FAR2: variants seen among roughly 807,000 people sequenced by gnomAD.
FAR2 encodes fatty acyl-CoA reductase 2.
Under a neutral mutation model 56.0 loss-of-function variants are expected in FAR2, and 19 were observed. The ratio of observed to expected loss-of-function variants is 0.34; its 90% CI spans 0.24 to 0.50. FAR2 has a LOEUF of 0.50. Ranked by LOEUF, FAR2 falls within the 20% of genes least tolerant of loss-of-function variation. The pLI, the probability that FAR2 is intolerant of heterozygous loss-of-function variation, is 0.98. For synonymous variants in FAR2, 219 were observed against 218.8 expected (o/e 1.00, Z -0.01); for missense variants, 508 against 642.2 (o/e 0.79, Z 2.26).
chr12:29,293,790 CTATTA>C lies in FAR2; in HGVS notation c.365+318_365+322del, dbSNP rs537916641. On this transcript the variant is annotated intron_variant, in intron 3 of 11. Coordinates refer to ENST00000536681, the MANE Select transcript of FAR2 (RefSeq NM_001271783.2). ...ATATCTATCATTGTCAATAAATATT[CTATTA>C]TAATTTGTAATGATTACATGACATT... 1.7e-4 allele frequency among the ~76,000 whole-genome samples: 26 copies of C among 152,100 alleles called. No individual in the cohort carries two copies. In the South Asian group the frequency reaches 4.8e-3, roughly 28 times the overall value.
chr12:29,317,432 C>A (rs1193753412), intron 9 of FAR2, among the ~76,000 whole-genome samples: 2 of 152,166 alleles, frequency 1.3e-5, no homozygotes, highest in Non-Finnish European at 2.9e-5. Context: ...ATTCCAAAAT[C>A]TGAAAACAAT....
At chr12:29,289,747 A>G (rs929696278) in intron 2 of FAR2, among the ~76,000 whole-genome samples, 4 of 152,248 alleles carry the variant, frequency 2.6e-5, no homozygotes, top group African/African-American at 9.6e-5. Flanking sequence ...AACAAAGTGA[A>G]GAGACAAGCC....
intron 2 of FAR2, 36 bp downstream of exon 2, chr12:29,270,674 G>T: frequency 6.5e-7 from 1 of 1,537,766 alleles, no homozygotes; most frequent in Non-Finnish European, 8.8e-7. Context: ...GATGGGCAAT[G>T]CCTTAGGGCA....
At chr12:29,164,239 C>T (rs1949806110) in intron 1 of FAR2, among the ~76,000 whole-genome samples, 1 of 152,168 alleles carries the variant, frequency 6.6e-6, no homozygotes, top group Non-Finnish European at 1.5e-5. Context: ...GGTCTCTTTC[C>T]CATTCTTCAC....
chr12:29,285,993 C>A (rs1329046512), intron 2 of FAR2, among the ~76,000 whole-genome samples: 1 of 151,956 alleles, frequency 6.6e-6, no homozygotes, highest in African/African-American at 2.4e-5. Context: ...TTTTGGCATA[C>A]ATTTTGTTCT....
chr12:29,252,632 C>T (rs138129552), intron 1 of FAR2, among the ~76,000 whole-genome samples: 28 of 152,042 alleles, frequency 1.8e-4, no homozygotes, highest in African/African-American at 5.8e-4. Flanking sequence ...ACAGATATCA[C>T]GAAAAAAAGT....
At chr12:29,326,154 G>T (rs1464212242) in intron 10 of FAR2, among the ~76,000 whole-genome samples, 4 of 144,182 alleles carry the variant, frequency 2.8e-5, no homozygotes, top group Admixed American at 7.0e-5. Context: ...AAATCTAGAA[G>T]AAATGGATAA....
At chr12:29,238,973 T>C (rs1418447135) in intron 1 of FAR2, among the ~76,000 whole-genome samples, 1 of 152,202 alleles carries the variant, frequency 6.6e-6, no homozygotes, top group Non-Finnish European at 1.5e-5. Flanking sequence ...AATCTCTTTC[T>C]TCAGAAAGCC....
chr12:29,309,319 A>G lies in FAR2; in HGVS notation c.768+89A>G, dbSNP rs1254755682. Reference sequence around the variant, plus strand: ...AGTGCTGGCTTAGCTTCATTGATCCAAAAACATAAATGTTACTTTACTAAT... The same window carrying G: ...AGTGCTGGCTTAGCTTCATTGATCCGAAAACATAAATGTTACTTTACTAAT... On this transcript the variant is annotated intron_variant, in intron 6 of 11. Transcript: ENST00000536681. The G allele has an allele frequency of 4.3e-6, 4 of 919,600 alleles. No individual in the cohort carries two copies. In the Admixed American group the frequency reaches 8.5e-5, roughly 20 times the overall value. The allele number at this position is 919,600 out of a possible 1,614,324, so 57.0% of individuals were successfully genotyped here.
At chr12:29,233,323 G>A (rs762129672) in intron 1 of FAR2, among the ~76,000 whole-genome samples, 19 of 152,106 alleles carry the variant, frequency 1.2e-4, no homozygotes, top group Admixed American at 4.6e-4. Flanking sequence ...TTTTTGGATA[G>A]ACTCTGAATC....
intron 1 of FAR2, among the ~76,000 whole-genome samples, chr12:29,238,987 C>T (rs1265607535): frequency 6.6e-6 from 1 of 152,158 alleles, no homozygotes; most frequent in East Asian, 1.9e-4. Context: ...GAAAGCCTGT[C>T]ACTTATTTTG....
At chr12:29,314,432 C>CTTTTTTTTTT (rs35073792) in intron 8 of FAR2, among the ~76,000 whole-genome samples, 1 of 143,974 alleles carries the variant, frequency 6.9e-6, no homozygotes, top group Non-Finnish European at 1.5e-5. Flanking sequence ...CCCTGTAGAT[C>CTTTTTTTTTT]TTTTTTTTTT....
At chr12:29,213,356 C>T (rs112424804) in intron 1 of FAR2, among the ~76,000 whole-genome samples, 2 of 152,106 alleles carry the variant, frequency 1.3e-5, no homozygotes, top group East Asian at 1.9e-4. Context: ...CATATGAGCA[C>T]TGAATCATAA....
intron 1 of FAR2, among the ~76,000 whole-genome samples, chr12:29,225,139 G>A (rs1017651995): frequency 6.6e-5 from 10 of 152,132 alleles, no homozygotes; most frequent in African/African-American, 2.4e-4. Context: ...GGGAGACTGA[G>A]GTGAGAGGAT....
At chr12:29,169,431 G>A (rs891320439) in intron 1 of FAR2, among the ~76,000 whole-genome samples, 1 of 152,194 alleles carries the variant, frequency 6.6e-6, no homozygotes, top group Non-Finnish European at 1.5e-5. Context: ...TTGACAAGGA[G>A]GTTAAAAATA....
At chr12:29,201,843 C>G (rs1006354604) in intron 1 of FAR2, among the ~76,000 whole-genome samples, 3 of 152,138 alleles carry the variant, frequency 2.0e-5, no homozygotes, top group Admixed American at 6.5e-5. Context: ...AGTGCTAAGT[C>G]GTTTGGCTAG....
At chr12:29,215,970 A>G (rs966948589) in intron 1 of FAR2, among the ~76,000 whole-genome samples, 1 of 152,182 alleles carries the variant, frequency 6.6e-6, no homozygotes, top group African/African-American at 2.4e-5. Flanking sequence ...CATGGTCAAC[A>G]TAACTCTACC....
intron 1 of FAR2, among the ~76,000 whole-genome samples, chr12:29,257,379 G>A (rs1303507340): frequency 2.6e-5 from 4 of 152,180 alleles, no homozygotes; most frequent in African/African-American, 9.7e-5. Context: ...GCACCAATCA[G>A]CGCCCTGTCA....
intron 1 of FAR2, among the ~76,000 whole-genome samples, chr12:29,204,541 T>A (rs1404459524): frequency 6.6e-6 from 1 of 152,212 alleles, no homozygotes; most frequent in Non-Finnish European, 1.5e-5. Flanking sequence ...ACAGAAGGCC[T>A]GTGCAAAGGC....
Sources: gnomAD v4.1 joint callset for allele counts (sites outside exome capture counted in the v4.1 genomes callset) on GRCh38, gnomAD v4.1.1 for gene constraint, MANE v1.5 for transcripts, NCBI Gene and HGNC (gene_info 2026-07-23, HGNC 2026-07-21) for gene names.